CSTF2: variants seen among roughly 807,000 people sequenced by gnomAD.
CSTF2 encodes the protein cleavage stimulation factor subunit 2.
In CSTF2, 8 loss-of-function variants were observed where a neutral mutation model predicts 45.4. The ratio of observed to expected loss-of-function variants is 0.18; its 90% CI spans 0.10 to 0.32. CSTF2 has a LOEUF of 0.32. Ranked by LOEUF, CSTF2 falls within the 10% of genes least tolerant of loss-of-function variation. The pLI, the probability that CSTF2 is intolerant of heterozygous loss-of-function variation, is 1.00. For missense variants in CSTF2, 253 were observed against 477.1 expected, an observed-to-expected ratio of 0.53 and a Z score of 4.38; for synonymous variants, 155 against 158.9, an observed-to-expected ratio of 0.98 and a Z score of 0.18.
chrX:100,823,220 A>G (rs935496898), intron 3 of CSTF2, 72 bp from the exon 4 acceptor site: 2 of 1,126,187 alleles, frequency 1.8e-6, no homozygotes, highest in Non-Finnish European at 2.4e-6. Context: ...GCAGCCCTGA[A>G]AAGTAGATAT....
At position 100,838,381 on chromosome X, in the gene CSTF2, C is replaced by A; in HGVS notation, c.*3+17C>A. 8.4e-7 allele frequency: 1 copy of A among 1,187,932 alleles called. No individual in the cohort carries two copies. Among genetic ancestry groups the A allele is most frequent in the Non-Finnish European group, 1.1e-6 (1 of 881,957 alleles). ...CCTTGATAGGTGAGCAAACTTAATCCCCATCTGAGTAGGACTAGCTCCTTG... is the reference window on the plus strand; with the variant it reads ...CCTTGATAGGTGAGCAAACTTAATCACCATCTGAGTAGGACTAGCTCCTTG... On this transcript the variant is annotated intron_variant, in intron 13 of 13. Coordinates refer to ENST00000372972, the MANE Select transcript of CSTF2 (RefSeq NM_001325.3).
intron 13 of CSTF2, among the ~76,000 whole-genome samples, 178 bp from the exon 14 acceptor site, chrX:100,840,536 G>A (rs868636668): frequency 1.8e-5 from 2 of 111,642 alleles, no homozygotes; most frequent in Non-Finnish European, 3.8e-5. Context: ...CCTGCTGCAA[G>A]GGCTGATTGC....
rs748775544 is a variant in CSTF2 at position 100,838,114 on chromosome X, A to C, written c.1612-125A>C. 2.7e-4 allele frequency: 169 copies of C among 634,339 alleles called. 2 individuals are homozygous for C. In the East Asian group the frequency reaches 4.4e-3, roughly 17 times the overall value. 52.3% of individuals were successfully genotyped at this position (634,339 alleles called of 1,213,427 possible). On this transcript the variant is annotated intron_variant, in intron 12 of 13. Transcript: ENST00000372972. ...TGTGTGAAATGTTCTTCCTTTTTCC[A>C]TTTTGCTTCATATCCCACTACAGTA...
At position 100,833,597 on chromosome X, in the gene CSTF2, TTGGA is replaced by T. The variant is rs776055419; in HGVS notation, c.1500+127_1500+130del. ...TCTTAGCTTGTTAGAAAGGGAAGACTTGGATCTCCCTGTAGCTTCTCTGTCCCTT... is the reference window on the plus strand; with the variant it reads ...TCTTAGCTTGTTAGAAAGGGAAGACTTCTCCCTGTAGCTTCTCTGTCCCTT... On this transcript the variant is annotated intron_variant, in intron 11 of 13. Coordinates refer to ENST00000372972, the MANE Select transcript of CSTF2 (RefSeq NM_001325.3). 1.4e-3 allele frequency: 907 copies of T among 656,870 alleles called. 9 individuals are homozygous for T. The East Asian group carries it at 0.019, about 14-fold the overall frequency. 54.1% of individuals were successfully genotyped at this position (656,870 alleles called of 1,213,427 possible).
chrX:100,824,495 G>A lies in CSTF2; in HGVS notation c.702+238G>A, dbSNP rs191296299. The stretch of plus-strand genomic sequence containing the variant: ...CCCTTTTCTTATAAGCTAACTTTGT[G>A]TGTATGTGCATGCCTGGCACTGTGG... On this transcript the variant is annotated intron_variant, in intron 6 of 13. Coordinates refer to ENST00000372972, the MANE Select transcript of CSTF2 (RefSeq NM_001325.3). Among the ~76,000 whole-genome samples the A allele has an allele frequency of 5.4e-5, 6 of 111,943 alleles. No homozygotes were observed. In the East Asian group the frequency reaches 1.7e-3, roughly 31 times the overall value.
intron 13 of CSTF2, among the ~76,000 whole-genome samples, chrX:100,839,805 T>C (rs1288757616): frequency 8.9e-6 from 1 of 112,045 alleles, no homozygotes; most frequent in African/African-American, 3.2e-5. Context: ...AGGCATTCCC[T>C]ACAATGTGAG....
rs1168047415 is a variant in CSTF2 at position 100,820,485 on chromosome X, T to A, written c.58+11T>A. ...TACGTTCTGTGTTCGGTGAGAGGAATTCGTTGTAGTCAAGCTTCGGGGAGG... is the reference window on the plus strand; with the variant it reads ...TACGTTCTGTGTTCGGTGAGAGGAAATCGTTGTAGTCAAGCTTCGGGGAGG... On this transcript the variant is annotated intron_variant, in intron 1 of 13. Coordinates refer to ENST00000372972, the MANE Select transcript of CSTF2 (RefSeq NM_001325.3). 8.3e-7 allele frequency: 1 copy of A among 1,208,044 alleles called. No homozygotes were observed. Among genetic ancestry groups the A allele is most frequent in the Non-Finnish European group, 1.1e-6 (1 of 891,730 alleles).
intron 11 of CSTF2, among the ~76,000 whole-genome samples, chrX:100,833,812 C>A (rs150725322): frequency 0.055 from 6,161 of 111,671 alleles, 184 homozygotes; most frequent in Non-Finnish European, 0.083. Flanking sequence ...GGATCTCATC[C>A]GAGGTATAAC....
Position 100,839,248 on chromosome X carries a change from CAAAA to C in CSTF2, c.*3+899_*3+902del, listed in dbSNP as rs757979836. 2.0e-4 allele frequency among the ~76,000 whole-genome samples: 8 copies of C among 40,525 alleles called. No individual in the cohort carries two copies. The South Asian group carries it at 3.9e-3, about 20-fold the overall frequency. The allele number at this position is 40,525 out of a possible 115,157, so 35.2% of individuals were successfully genotyped here. A position where few individuals can be genotyped will look rare whatever the true frequency, so the allele number is the denominator to read the frequency against. On this transcript the variant is annotated intron_variant, in intron 13 of 13. Coordinates refer to ENST00000372972, the MANE Select transcript of CSTF2 (RefSeq NM_001325.3). ...TGGGTCACAGAGTGAGACTCTGTGT[CAAAA>C]AAAAAAAAAAAAAAGGATCCAGGTA...
At position 100,820,525 on chromosome X, in the gene CSTF2, C is replaced by T. The variant is rs73559565; in HGVS notation, c.58+51C>T. The T allele has an allele frequency of 7.6e-3, 8,675 of 1,134,371 alleles. 340 individuals are homozygous for T. The African/African-American group carries it at 0.13, about 16-fold the overall frequency. 93.5% of individuals were successfully genotyped at this position (1,134,371 alleles called of 1,213,427 possible). ...CTTCGGGGAGGGACTCCCCTCTGCA[C>T]CTTCTATCTCATGAATCGCTACCGG... is the stretch of plus-strand genomic sequence containing the variant. On this transcript the variant is annotated intron_variant, in intron 1 of 13. Coordinates refer to ENST00000372972, the MANE Select transcript of CSTF2 (RefSeq NM_001325.3).
chrX:100,824,695 T>C (rs986336030), intron 6 of CSTF2, among the ~76,000 whole-genome samples: 3 of 112,247 alleles, frequency 2.7e-5, no homozygotes, highest in African/African-American at 9.7e-5. Context: ...CTAAAAAATT[T>C]CTATATAAAG....
intron 9 of CSTF2, among the ~76,000 whole-genome samples, 193 bp downstream of exon 9, chrX:100,831,849 T>C (rs1403045564): frequency 1.8e-5 from 2 of 112,497 alleles, no homozygotes; most frequent in African/African-American, 6.5e-5. Flanking sequence ...TTTTGAGCTA[T>C]TATATTTTTA....
At position 100,824,122 on chromosome X, in the gene CSTF2, A is replaced by G. The variant is rs1330190426; in HGVS notation, c.567A>G (p.Lys189=). The G allele has an allele frequency of 1.7e-6, 2 of 1,210,914 alleles. No individual in the cohort carries two copies. The highest frequency in any genetic ancestry group is 3.0e-5 in the East Asian group (1 of 33,825). Residue 189 remains lysine, a splice_region_variant and synonymous_variant, in exon 6 of 14, where the codon AAA becomes AAG. Coordinates refer to ENST00000372972, the MANE Select transcript of CSTF2 (RefSeq NM_001325.3). ...MRIVDPEIAL[K]ILHRQTNIPT... The stretch of plus-strand genomic sequence containing the variant: ...AGGTTTGTCTTTTCACTTTTTAGAA[A>G]ATTCTGCATCGCCAGACAAATATCC...
chrX:100,833,283 CCGTGCGATGGAAGCT>C lies in CSTF2; in HGVS notation c.1317_1331del (p.Ala452_Glu456del), dbSNP rs1356458956. 4 of 1,208,982 alleles carry C rather than the reference CCGTGCGATGGAAGCT, an allele frequency of 3.3e-6. No homozygotes were observed. The highest frequency in any genetic ancestry group is 1.8e-5 in the South Asian group (1 of 56,465). On this transcript the variant is annotated inframe_deletion, in exon 11 of 14. Coordinates refer to ENST00000372972, the MANE Select transcript of CSTF2 (RefSeq NM_001325.3). Reference sequence around the variant, plus strand: ...GATTAGAGGCCCGTGCAATGGAGGCCCGTGCGATGGAAGCTCGTGCAATGGAGGCCCGAGCGATGG... The same window carrying C: ...GATTAGAGGCCCGTGCAATGGAGGCCCGTGCAATGGAGGCCCGAGCGATGG...
At chrX:100,823,169 C>T (rs2084928173) in intron 3 of CSTF2, 123 bp from the exon 4 acceptor site, 1 of 771,708 alleles carries the variant, frequency 1.3e-6, no homozygotes, top group Non-Finnish European at 1.8e-6. Flanking sequence ...TCATTTATTT[C>T]TCAGCTCTGG....
intron 7 of CSTF2, among the ~76,000 whole-genome samples, chrX:100,827,329 C>A (rs1353419109): frequency 1.8e-5 from 2 of 112,086 alleles, no homozygotes; most frequent in Non-Finnish European, 3.8e-5. Context: ...ATGTATAGAT[C>A]GGCAATTAAT....
chrX:100,834,606 C>G (rs1044470951), intron 11 of CSTF2, among the ~76,000 whole-genome samples: 2 of 111,900 alleles, frequency 1.8e-5, no homozygotes, highest in Admixed American at 9.4e-5. Context: ...TGTTTGTGGG[C>G]CTTGATTTTT....
At chrX:100,828,446 G>T (rs2084956455) in intron 8 of CSTF2, among the ~76,000 whole-genome samples, 1 of 112,025 alleles carries the variant, frequency 8.9e-6, no homozygotes, top group Non-Finnish European at 1.9e-5. Context: ...TTTGTTTCCT[G>T]ATTCCTAGTC....
At chrX:100,830,839 C>T (rs755837141) in intron 8 of CSTF2, 21 of 1,152,936 alleles carry the variant, frequency 1.8e-5, no homozygotes, top group Middle Eastern at 2.3e-4. Context: ...TGGGACCCGC[C>T]GGGCCTGCAT....
Sources: allele counts gnomAD v4.1 joint callset (sites outside exome capture counted in the v4.1 genomes callset), GRCh38; gene constraint gnomAD v4.1.1; transcripts MANE v1.5; gene names NCBI Gene and HGNC (gene_info 2026-07-23, HGNC 2026-07-21).